The following KCNJ3 variants were observed in gnomAD, a reference collection of about 807,000 sequenced individuals.
The protein encoded by KCNJ3 is G protein-activated inward rectifier potassium channel 1.
Under a neutral mutation model 39.2 loss-of-function variants are expected in KCNJ3, and 4 were observed. That is an observed-to-expected ratio of 0.10 (90% confidence interval 0.05 to 0.23). The LOEUF is 0.23. Among genes scored for constraint, KCNJ3 ranks in the 10% least tolerant of loss-of-function variants. The probability of loss-of-function intolerance (pLI) is 1.00; values close to 1 mark genes in which losing one functional copy is unlikely to be tolerated. For missense variants in KCNJ3, 276 were observed against 634.9 expected (o/e 0.43, Z 6.08); for synonymous variants, 230 against 237.4 (o/e 0.97, Z 0.29).
intron 2 of KCNJ3, among the ~76,000 whole-genome samples, chr2:154,747,332 A>T (rs1431409201): frequency 6.6e-6 from 1 of 152,082 alleles, no homozygotes; most frequent in Non-Finnish European, 1.5e-5. Context: ...AAGAGATAAG[A>T]TTAAAGGGTT....
chr2:154,819,224 C>T (rs1202787693), intron 2 of KCNJ3, among the ~76,000 whole-genome samples: 2 of 151,936 alleles, frequency 1.3e-5, no homozygotes, highest in African/African-American at 4.8e-5. Flanking sequence ...TGAAATGGGC[C>T]CAGAACTTTG....
At chr2:154,794,617 AAAG>A (rs1194492316) in intron 2 of KCNJ3, among the ~76,000 whole-genome samples, 1 of 152,048 alleles carries the variant, frequency 6.6e-6, no homozygotes, top group Non-Finnish European at 1.5e-5. Flanking sequence ...TTTCCCCAGC[AAAG>A]AAGATTAACT....
At chr2:154,712,505 T>C (rs1188529225) in intron 2 of KCNJ3, among the ~76,000 whole-genome samples, 1 of 152,230 alleles carries the variant, frequency 6.6e-6, no homozygotes. Context: ...GCTTTTCATC[T>C]TTCAGTCACT....
intron 2 of KCNJ3, among the ~76,000 whole-genome samples, chr2:154,746,891 A>T (rs974294405): frequency 6.6e-6 from 1 of 151,820 alleles, no homozygotes; most frequent in Non-Finnish European, 1.5e-5. Flanking sequence ...CAATGTTATT[A>T]TCTAAATTAG....
At chr2:154,824,697 TA>T (rs1687239850) in intron 2 of KCNJ3, among the ~76,000 whole-genome samples, 1 of 152,228 alleles carries the variant, frequency 6.6e-6, no homozygotes, top group Non-Finnish European at 1.5e-5. Context: ...AAACAGTGTT[TA>T]TTTTTTAATT....
intron 1 of KCNJ3, among the ~76,000 whole-genome samples, chr2:154,704,186 G>A (rs1176067817): frequency 6.6e-6 from 1 of 151,840 alleles, no homozygotes; most frequent in African/African-American, 2.4e-5. Context: ...TATTATTCCT[G>A]AAAAGTAAAG....
intron 2 of KCNJ3, among the ~76,000 whole-genome samples, chr2:154,712,939 G>A (rs186528369): frequency 2.9e-4 from 44 of 152,140 alleles, no homozygotes; most frequent in Admixed American, 9.8e-4. Flanking sequence ...GGGGAAGAGC[G>A]TGGCAGATGC....
At chr2:154,804,768 G>T (rs1190719674) in intron 2 of KCNJ3, among the ~76,000 whole-genome samples, 2 of 151,998 alleles carry the variant, frequency 1.3e-5, no homozygotes, top group Non-Finnish European at 2.9e-5. Context: ...TTGAAAGCTG[G>T]GTCAGTATCA....
Position 154,856,787 on chromosome 2 carries a change from C to A in KCNJ3, c.*1474C>A, listed in dbSNP as rs1347238089. On this transcript the variant is annotated 3_prime_UTR_variant, in exon 3 of 3. Transcript: ENST00000295101. Reference sequence around the variant, plus strand: ...ATCAAAACTAGTGATCAGTAGAACACTTTCAAAATAAAAATTTGGAATGCA... The same window carrying A: ...ATCAAAACTAGTGATCAGTAGAACAATTTCAAAATAAAAATTTGGAATGCA... The A allele has an allele frequency of 1.3e-5, 2 of 152,080 alleles. No individual in the cohort carries two copies. Among genetic ancestry groups the A allele is most frequent in the Non-Finnish European group, 2.9e-5 (2 of 68,014 alleles). The allele number at this position is 152,080 out of a possible 1,614,324, so 9.4% of individuals were successfully genotyped here.
intron 2 of KCNJ3, among the ~76,000 whole-genome samples, chr2:154,839,263 A>G (rs1383592200): frequency 6.6e-6 from 1 of 152,228 alleles, no homozygotes; most frequent in African/African-American, 2.4e-5. Context: ...ATGTCCCTGC[A>G]AAGGATATGA....
intron 2 of KCNJ3, among the ~76,000 whole-genome samples, chr2:154,751,030 T>C (rs1685835317): frequency 6.6e-6 from 1 of 151,944 alleles, no homozygotes; most frequent in Admixed American, 6.6e-5. Context: ...GATAAAAGAC[T>C]ACAAATCAGG....
intron 2 of KCNJ3, among the ~76,000 whole-genome samples, chr2:154,793,796 GC>G (rs1057229647): frequency 8.6e-5 from 13 of 152,016 alleles, no homozygotes; most frequent in Non-Finnish European, 1.5e-5. Context: ...AGCACAGGGA[GC>G]CTGGCATTTA....
chr2:154,709,125 G>A (rs550308782), intron 1 of KCNJ3, among the ~76,000 whole-genome samples: 12 of 152,224 alleles, frequency 7.9e-5, no homozygotes, highest in African/African-American at 2.9e-4. Flanking sequence ...AAAATAAATT[G>A]TTGTGTTTTG....
At chr2:154,715,912 C>T (rs1023874310) in intron 2 of KCNJ3, among the ~76,000 whole-genome samples, 1 of 151,976 alleles carries the variant, frequency 6.6e-6, no homozygotes, top group African/African-American at 2.4e-5. Context: ...CTATTATAGG[C>T]CCTAGTTTCA....
At chr2:154,718,995 G>A (rs58869744) in intron 2 of KCNJ3, among the ~76,000 whole-genome samples, 8,268 of 152,152 alleles carry the variant, frequency 0.054, 747 homozygotes, top group African/African-American at 0.19. Flanking sequence ...GTTAAGATGC[G>A]TCATAGTGCA....
intron 2 of KCNJ3, among the ~76,000 whole-genome samples, chr2:154,783,695 A>G (rs1047282654): frequency 1.7e-4 from 26 of 152,318 alleles, no homozygotes; most frequent in Non-Finnish European, 3.1e-4. Flanking sequence ...AAGTTGGCAC[A>G]GCTGCTAAGT....
chr2:154,699,553 GC>G lies in KCNJ3; in HGVS notation c.702+79del. The G allele has an allele frequency of 6.7e-7, 1 of 1,482,830 alleles. No homozygotes were observed. 91.9% of individuals were successfully genotyped at this position (1,482,830 alleles called of 1,614,324 possible). The stretch of plus-strand genomic sequence containing the variant: ...CGCGGAGTAACTCGTCTGAGAACCA[GC>G]CCGGGCCCCCTCCCCTGGTTCTACC... On this transcript the variant is annotated intron_variant, in intron 1 of 2. Transcript: ENST00000295101. This position sits in a 1 kb window ranked among gnomAD's most constrained non-coding sequence, Gnocchi z 6.4.
intron 2 of KCNJ3, among the ~76,000 whole-genome samples, chr2:154,728,451 C>T (rs1033796410): frequency 6.6e-6 from 1 of 152,150 alleles, no homozygotes; most frequent in Non-Finnish European, 1.5e-5. Context: ...CATATATTCT[C>T]AAAGTTTTGT....
intron 2 of KCNJ3, among the ~76,000 whole-genome samples, chr2:154,770,417 A>G (rs983217289): frequency 2.0e-5 from 3 of 149,100 alleles, no homozygotes; most frequent in African/African-American, 4.8e-5. Flanking sequence ...GGCAGCTTGA[A>G]GAAATTTGAG....
Sources: gnomAD v4.1 joint callset for allele counts (sites outside exome capture counted in the v4.1 genomes callset) on GRCh38, gnomAD v4.1.1 for gene constraint, Gnocchi (gnomAD v3.1) non-coding constraint, MANE v1.5 for transcripts, NCBI Gene and HGNC (gene_info 2026-07-23, HGNC 2026-07-21) for gene names.